The following DAB1 variants were observed in gnomAD, a reference collection of about 807,000 sequenced individuals.
The protein encoded by DAB1 is DAB adaptor protein 1.
A neutral mutation model predicts 64.6 loss-of-function variants in DAB1; 15 were observed. The observed-to-expected ratio is 0.23, with a 90% CI of 0.16 to 0.36. The LOEUF is 0.36. Ranked by LOEUF, DAB1 falls within the 10% of genes least tolerant of loss-of-function variation. The probability of loss-of-function intolerance (pLI) is 1.00; values close to 1 mark genes in which losing one functional copy is unlikely to be tolerated. For missense variants in DAB1, 596 were observed against 706.7 expected (o/e 0.84, Z 1.78); for synonymous variants, 235 against 251.9 (o/e 0.93, Z 0.64).
intron 4 of DAB1, among the ~76,000 whole-genome samples, chr1:58,313,869 G>GAC (rs1025242565): frequency 6.6e-6 from 1 of 151,340 alleles, no homozygotes; most frequent in African/African-American, 2.4e-5. Context: ...GAGAGAGAGA[G>GAC]AGAGAGAGAG....
intron 1 of DAB1, among the ~76,000 whole-genome samples, chr1:57,839,834 GA>G (rs1652971321): frequency 6.6e-6 from 1 of 152,200 alleles, no homozygotes; most frequent in African/African-American, 2.4e-5. Context: ...TACCAGGCAA[GA>G]GACAGCCACT....
intron 3 of DAB1, among the ~76,000 whole-genome samples, chr1:58,463,999 C>G (rs1005421554): frequency 1.3e-4 from 20 of 152,132 alleles, no homozygotes; most frequent in Non-Finnish European, 1.2e-4. Flanking sequence ...GATCTTGCAT[C>G]CAGCCAGAGG....
At chr1:57,083,915 T>G (rs149481286) in intron 4 of DAB1, among the ~76,000 whole-genome samples, 1 of 152,210 alleles carries the variant, frequency 6.6e-6, no homozygotes. Context: ...CATCTGTGAG[T>G]TCATTCAATT....
At chr1:58,149,923 C>T (rs1291200173) in intron 5 of DAB1, among the ~76,000 whole-genome samples, 1 of 152,182 alleles carries the variant, frequency 6.6e-6, no homozygotes, top group African/African-American at 2.4e-5. Flanking sequence ...CAGTTGCTTA[C>T]TGGTGATGCT....
chr1:57,313,427 C>T (rs1674907444), intron 1 of DAB1, among the ~76,000 whole-genome samples: 1 of 152,168 alleles, frequency 6.6e-6, no homozygotes, highest in African/African-American at 2.4e-5. Flanking sequence ...TAATCTTTGA[C>T]CCTAAAAGTC....
chr1:58,008,155 T>A (rs996049884), intron 5 of DAB1, among the ~76,000 whole-genome samples: 2 of 152,178 alleles, frequency 1.3e-5, no homozygotes, highest in African/African-American at 4.8e-5. Context: ...TACTTCCATT[T>A]ATAGATAAGA....
intron 2 of DAB1, among the ~76,000 whole-genome samples, chr1:57,238,964 A>AT (rs1265547016): frequency 6.6e-6 from 1 of 151,396 alleles, no homozygotes; most frequent in Admixed American, 6.6e-5. Flanking sequence ...GCCCAATAAG[A>AT]TTTTTTTTCT....
intron 1 of DAB1, among the ~76,000 whole-genome samples, chr1:57,359,939 G>C (rs1679415745): frequency 6.6e-6 from 1 of 151,988 alleles, no homozygotes; most frequent in South Asian, 2.1e-4. Context: ...TGGTGTGCTT[G>C]GGAGTGGGGG....
intron 5 of DAB1, among the ~76,000 whole-genome samples, chr1:57,925,928 C>T (rs1213976670): frequency 1.3e-5 from 2 of 152,194 alleles, no homozygotes; most frequent in Non-Finnish European, 2.9e-5. Context: ...CCTACCCTGA[C>T]TTCCTTTTGA....
intron 1 of DAB1, among the ~76,000 whole-genome samples, chr1:58,532,277 G>T (rs1238617300): frequency 6.6e-6 from 1 of 152,006 alleles, no homozygotes; most frequent in Non-Finnish European, 1.5e-5. Context: ...TATTTTTAAG[G>T]CTGCTGTTTG....
chr1:58,206,210 C>T (rs544044365), intron 4 of DAB1, among the ~76,000 whole-genome samples: 11 of 152,236 alleles, frequency 7.2e-5, no homozygotes, highest in Admixed American at 5.2e-4. Flanking sequence ...ACATTGGTTC[C>T]GTCCAGAAAG....
Position 58,482,453 on chromosome 1 carries a change from T to C in DAB1, n.257+23607A>G, listed in dbSNP as rs185151418. 2.0e-5 allele frequency among the ~76,000 whole-genome samples: 3 copies of C among 152,318 alleles called. No homozygotes were observed. The East Asian group carries it at 5.8e-4, about 29-fold the overall frequency. On this transcript the variant is annotated intron_variant and non_coding_transcript_variant, in intron 3 of 20. Coordinates refer to the DAB1 transcript ENST00000485760. The stretch of plus-strand genomic sequence containing the variant: ...TGGGTATATGGATAATTTTAAGATA[T>C]AAGAGCCAAAATAATTTTTAAGGAT...
intron 6 of DAB1, among the ~76,000 whole-genome samples, chr1:57,744,269 A>T (rs1370318467): frequency 6.6e-6 from 1 of 152,190 alleles, no homozygotes; most frequent in African/African-American, 2.4e-5. Flanking sequence ...GGTTTAGCCT[A>T]AAGATACCTC....
intron 1 of DAB1, among the ~76,000 whole-genome samples, chr1:57,418,178 G>T (rs550939308): frequency 1.3e-4 from 20 of 152,272 alleles, no homozygotes; most frequent in African/African-American, 4.8e-4. Flanking sequence ...TTTGTTGAAT[G>T]GACATAGAAG....
At chr1:57,926,011 C>T (rs1644874454) in intron 5 of DAB1, among the ~76,000 whole-genome samples, 1 of 152,200 alleles carries the variant, frequency 6.6e-6, no homozygotes. Flanking sequence ...TCGACAAGAA[C>T]TCTTTGGGGT....
intron 6 of DAB1, among the ~76,000 whole-genome samples, chr1:57,767,600 A>G (rs749068045): frequency 1.3e-5 from 2 of 152,100 alleles, no homozygotes; most frequent in Non-Finnish European, 2.9e-5. Flanking sequence ...GACTTTGCCT[A>G]TTTGATTCAC....
chr1:57,205,778 G>A (rs67333395), intron 2 of DAB1, among the ~76,000 whole-genome samples: 9,557 of 152,066 alleles, frequency 0.063, 356 homozygotes, highest in Middle Eastern at 0.12. Context: ...TTTTTACTAG[G>A]GCTTACATCT....
At chr1:57,085,764 C>T (rs759945751) in intron 4 of DAB1, among the ~76,000 whole-genome samples, 2 of 152,144 alleles carry the variant, frequency 1.3e-5, no homozygotes, top group African/African-American at 2.4e-5. Context: ...CCCAGCTCCT[C>T]GCACACTGTA....
chr1:58,444,361 T>G (rs1047804092), intron 3 of DAB1, among the ~76,000 whole-genome samples: 4 of 152,240 alleles, frequency 2.6e-5, no homozygotes, highest in Admixed American at 6.5e-5. Context: ...GAATTCTCCC[T>G]TATAGAGATA....
Sources: allele counts gnomAD v4.1 joint callset (sites outside exome capture counted in the v4.1 genomes callset), GRCh38; gene constraint gnomAD v4.1.1; transcripts MANE v1.5; gene names NCBI Gene and HGNC (gene_info 2026-07-23, HGNC 2026-07-21).